Variants in VOPP1 observed in about 807,000 individuals in gnomAD.
VOPP1 encodes WW domain binding protein VOPP1.
VOPP1 carries 8 observed loss-of-function variants against 23.5 expected under a neutral mutation model. That is an observed-to-expected ratio of 0.34 (90% confidence interval 0.20 to 0.61). The LOEUF is 0.61. VOPP1 is among the 20% of genes least tolerant of loss of function. The probability of loss-of-function intolerance (pLI) is 0.78; values close to 1 mark genes in which losing one functional copy is unlikely to be tolerated. For synonymous variants in VOPP1, 83 were observed against 97.3 expected, an observed-to-expected ratio of 0.85 and a Z score of 0.86; for missense variants, 174 against 238.1, an observed-to-expected ratio of 0.73 and a Z score of 1.77.
chr7:55,482,436 C>T (rs1238585919), intron 4 of VOPP1, among the ~76,000 whole-genome samples: 3 of 150,096 alleles, frequency 2.0e-5, no homozygotes, highest in Admixed American at 1.3e-4. Context: ...CAAGCTCTGC[C>T]TCCCGAGTAG....
intron 1 of VOPP1, among the ~76,000 whole-genome samples, chr7:55,529,874 CATAT>C (rs1796400995): frequency 6.6e-6 from 1 of 152,322 alleles, no homozygotes; most frequent in South Asian, 2.1e-4. Context: ...TATGTTGCTG[CATAT>C]ATCAGCAATT....
intron 4 of VOPP1, among the ~76,000 whole-genome samples, chr7:55,449,869 G>A (rs1383311804): frequency 1.3e-5 from 2 of 152,200 alleles, no homozygotes; most frequent in Non-Finnish European, 2.9e-5. Flanking sequence ...CATCAGGGAT[G>A]TCACTGGTGC....
At chr7:55,511,286 A>T (rs75725808) in intron 2 of VOPP1, among the ~76,000 whole-genome samples, 1,670 of 152,344 alleles carry the variant, frequency 0.011, 11 homozygotes, top group Middle Eastern at 0.02. Context: ...CAGGGAGAGC[A>T]GTCGGACGGT....
At position 55,472,848 on chromosome 7, in the gene VOPP1, C is replaced by G; in HGVS notation, c.*7G>C. ...TCCTGTCTCTCCTCTTGCACGTGGG[C>G]ACCCCACTACTTGGCCTTCACTACC... On this transcript the variant is annotated 3_prime_UTR_variant, in exon 5 of 5. Transcript: ENST00000285279. 8.5e-7 allele frequency: 1 copy of G among 1,173,316 alleles called. No individual in the cohort carries two copies. Among genetic ancestry groups the G allele is most frequent in the Non-Finnish European group, 1.1e-6 (1 of 878,358 alleles). 72.7% of individuals were successfully genotyped at this position (1,173,316 alleles called of 1,614,324 possible). A position where few individuals can be genotyped will look rare whatever the true frequency, so the allele number is the denominator to read the frequency against.
At chr7:55,496,315 A>G (rs1793947558) in intron 3 of VOPP1, among the ~76,000 whole-genome samples, 1 of 149,374 alleles carries the variant, frequency 6.7e-6, no homozygotes, top group African/African-American at 2.5e-5. Context: ...GCTCCGGAGC[A>G]AGGCCTGCCC....
chr7:55,449,610 G>A (rs1791191728), intron 4 of VOPP1, among the ~76,000 whole-genome samples: 1 of 152,236 alleles, frequency 6.6e-6, no homozygotes, highest in Non-Finnish European at 1.5e-5. Context: ...CTGAAGGTTG[G>A]ACGAAAAGCT....
At chr7:55,465,972 G>C (rs1237602474), downstream of VOPP1, among the ~76,000 whole-genome samples, 1 of 152,192 alleles carries the variant, frequency 6.6e-6, no homozygotes, top group African/African-American at 2.4e-5. Flanking sequence ...TCCCCACTCC[G>C]ATGGTGTTTG....
intron 4 of VOPP1, among the ~76,000 whole-genome samples, chr7:55,474,005 C>G (rs1792043035): frequency 6.6e-6 from 1 of 152,242 alleles, no homozygotes; most frequent in Non-Finnish European, 1.5e-5. Flanking sequence ...TGTCCCAAAG[C>G]CCACATAAGT....
At chr7:55,516,976 C>T (rs1296395381) in intron 2 of VOPP1, among the ~76,000 whole-genome samples, 1 of 104,316 alleles carries the variant, frequency 9.6e-6, no homozygotes, top group Non-Finnish European at 1.7e-5. Context: ...GACGGAGTCT[C>T]ACTGTGTAGC....
At chr7:55,530,935 C>G (rs1796463757) in intron 1 of VOPP1, 1 of 152,162 alleles carries the variant, frequency 6.6e-6, no homozygotes, top group Non-Finnish European at 1.5e-5. Flanking sequence ...GGCCAGCCCA[C>G]CAGGAACAAA....
chr7:55,480,362 A>C (rs1792615158), intron 4 of VOPP1, among the ~76,000 whole-genome samples: 1 of 152,178 alleles, frequency 6.6e-6, no homozygotes, highest in Admixed American at 6.5e-5. Flanking sequence ...CAGATTTTCC[A>C]ATTCATGAAT....
intron 2 of VOPP1, among the ~76,000 whole-genome samples, chr7:55,503,464 G>A (rs775291973): frequency 4.3e-4 from 66 of 152,212 alleles, no homozygotes; most frequent in Admixed American, 3.3e-4. Context: ...TAACATACTA[G>A]GTCAAGGAAT....
intron 4 of VOPP1, among the ~76,000 whole-genome samples, chr7:55,452,706 T>C (rs1791274630): frequency 6.6e-6 from 1 of 152,232 alleles, no homozygotes; most frequent in African/African-American, 2.4e-5. Context: ...AGGTCTTTTG[T>C]CAATAAGCAA....
In VOPP1 at chr7:55,470,824, A is replaced by C. The variant is rs1791769295; in HGVS notation, c.*2031T>G. 6.6e-6 allele frequency: 1 copy of C among 152,204 alleles called. No individual in the cohort carries two copies. Among genetic ancestry groups the C allele is most frequent in the African/African-American group, 2.4e-5 (1 of 41,394 alleles). 9.4% of individuals were successfully genotyped at this position (152,204 alleles called of 1,614,324 possible). A position where few individuals can be genotyped will look rare whatever the true frequency, so the allele number is the denominator to read the frequency against. The stretch of plus-strand genomic sequence containing the variant: ...AACCCACCATCCACACAATGGAAAC[A>C]AGAATGGCCAGGAAATGTCACCGAA... On this transcript the variant is annotated 3_prime_UTR_variant, in exon 5 of 5. Coordinates refer to ENST00000285279, the MANE Select transcript of VOPP1 (RefSeq NM_030796.5).
chr7:55,444,907 A>C (rs1015366556), intron 4 of VOPP1, among the ~76,000 whole-genome samples: 10 of 152,050 alleles, frequency 6.6e-5, no homozygotes, highest in African/African-American at 2.2e-4. Context: ...TGCCATCTGG[A>C]AGGTCTGAGA....
intron 4 of VOPP1, among the ~76,000 whole-genome samples, chr7:55,441,044 A>G (rs1790952658): frequency 6.6e-6 from 1 of 152,204 alleles, no homozygotes; most frequent in South Asian, 2.1e-4. Flanking sequence ...TCTATCCTAT[A>G]TGGAAAGCCT....
intron 4 of VOPP1, among the ~76,000 whole-genome samples, chr7:55,438,582 G>A (rs1672317801): frequency 6.6e-6 from 1 of 152,174 alleles, no homozygotes; most frequent in African/African-American, 2.4e-5. Flanking sequence ...TGGACAGGGC[G>A]CCTCACAGAG....
At position 55,477,261 on chromosome 7, in the gene VOPP1, G is replaced by A. The variant is rs771838495; in HGVS notation, c.329-4216C>T. Among the ~76,000 whole-genome samples, 249 of 152,180 alleles carry A rather than the reference G, an allele frequency of 1.6e-3. 1 individual carries two copies. The highest frequency in any genetic ancestry group is 1.8e-4 in the Non-Finnish European group (12 of 68,034). ...ATGATTTTCTGAGCCTTCTGAACAC[G>A]AGGACAGAGCATCACTCACCCTGGT... On this transcript the variant is annotated intron_variant, in intron 4 of 4. Transcript: ENST00000285279.
chr7:55,484,478 C>T (rs1219392695), intron 4 of VOPP1, among the ~76,000 whole-genome samples: 3 of 152,126 alleles, frequency 2.0e-5, no homozygotes, highest in South Asian at 2.1e-4. Context: ...GCTGGAGCTG[C>T]TGAGGACAGC....
Sources: allele counts gnomAD v4.1 joint callset (sites outside exome capture counted in the v4.1 genomes callset), GRCh38; gene constraint gnomAD v4.1.1; transcripts MANE v1.5; gene names NCBI Gene and HGNC (gene_info 2026-07-23, HGNC 2026-07-21).